The following SPATA21 variants were observed in gnomAD, a reference collection of about 807,000 sequenced individuals.
SPATA21 encodes the protein spermatogenesis associated 21, also known as spermatogenesis-associated protein 21.
In SPATA21, 47 loss-of-function variants were observed where a neutral mutation model predicts 54.8. That is an observed-to-expected ratio of 0.86 (90% confidence interval 0.68 to 1.09). The LOEUF (loss-of-function observed/expected upper bound fraction) is 1.09, where lower values mean the gene tolerates loss of function less well. Ranked by LOEUF, SPATA21 falls within the 50% of genes least tolerant of loss-of-function variation. The pLI, the probability that SPATA21 is intolerant of heterozygous loss-of-function variation, is 0.00. For missense variants in SPATA21, 599 were observed against 596.4 expected (o/e 1.00, Z -0.05); for synonymous variants, 245 against 235.3 (o/e 1.04, Z -0.38).
Position 16,398,670 on chromosome 1 carries a change from C to T in SPATA21, c.*95G>A. 7.1e-7 allele frequency: 1 copy of T among 1,405,004 alleles called. No individual in the cohort carries two copies. Among genetic ancestry groups the T allele is most frequent in the East Asian group, 2.3e-5 (1 of 42,808 alleles). 87.0% of individuals were successfully genotyped at this position (1,405,004 alleles called of 1,614,324 possible). A position where few individuals can be genotyped will look rare whatever the true frequency, so the allele number is the denominator to read the frequency against. ...AAGTTATTGGTGTTTATTAGCTCAC[C>T]AGGCCACAAAAGCAAATCCCAGCAG... is the stretch of plus-strand genomic sequence containing the variant. On this transcript the variant is annotated 3_prime_UTR_variant, in exon 13 of 13. Transcript: ENST00000335496.
At chr1:16,424,195 C>A in intron 3 of SPATA21, among the ~76,000 whole-genome samples, 1 of 139,844 alleles carries the variant, frequency 7.2e-6, no homozygotes, top group Non-Finnish European at 1.5e-5. Flanking sequence ...CACCTGTAAT[C>A]CCAGCACTTT....
At chr1:16,400,980 G>A in intron 10 of SPATA21, 88 bp from the exon 11 acceptor site, 1 of 1,475,760 alleles carries the variant, frequency 6.8e-7, no homozygotes, top group South Asian at 1.3e-5. Context: ...GCCAGCTCTG[G>A]AGCAGGAACA....
At chr1:16,401,697 C>G (rs1463726694) in intron 10 of SPATA21, among the ~76,000 whole-genome samples, 1 of 152,100 alleles carries the variant, frequency 6.6e-6, no homozygotes, top group African/African-American at 2.4e-5. Context: ...GTTAAGGACT[C>G]TGCTCCAGAA....
At chr1:16,417,492 G>A (rs1276449757) in intron 5 of SPATA21, among the ~76,000 whole-genome samples, 1 of 150,286 alleles carries the variant, frequency 6.7e-6, no homozygotes, top group Non-Finnish European at 1.5e-5. Flanking sequence ...AGGCTGGAGT[G>A]CGATGGCACG....
rs576871860 is a variant in SPATA21, at chr1:16,431,493, A to T, written c.-51-71T>A. On this transcript the variant is annotated intron_variant, in intron 2 of 12. Transcript: ENST00000335496. ...ACTGCTGCTTCAGGAGCCCACTTGG[A>T]GCCTATAATGTAGACAGCCTGGCTC... 9 of 1,453,222 alleles carry T rather than the reference A, an allele frequency of 6.2e-6. No homozygotes were observed. The Admixed American group carries it at 1.6e-4, about 27-fold the overall frequency. The allele number at this position is 1,453,222 out of a possible 1,614,324, so 90.0% of individuals were successfully genotyped here. A position where few individuals can be genotyped will look rare whatever the true frequency, so the allele number is the denominator to read the frequency against.
intron 5 of SPATA21, among the ~76,000 whole-genome samples, chr1:16,419,615 G>C (rs1043868849): frequency 1.3e-5 from 2 of 152,182 alleles, no homozygotes; most frequent in African/African-American, 4.8e-5. Flanking sequence ...AATTCAAGTA[G>C]GCCATTGGAT....
At chr1:16,422,082 T>C (rs1408616633) in intron 3 of SPATA21, 111 bp from the exon 4 acceptor site, 1 of 1,580,846 alleles carries the variant, frequency 6.3e-7, no homozygotes. Context: ...GACACCTGCC[T>C]CCTTGGGGTG....
At chr1:16,398,623 T>G, downstream of SPATA21, 1 of 912,632 alleles carries the variant, frequency 1.1e-6, no homozygotes, top group South Asian at 1.6e-5. Flanking sequence ...AGGGCCTTTC[T>G]TGGCAAGAGG....
Position 16,400,850 on chromosome 1 carries a change from C to G in SPATA21, c.1044G>C (p.Gln348His), listed in dbSNP as rs776955267. 1.2e-5 allele frequency: 19 copies of G among 1,613,930 alleles called. No individual in the cohort carries two copies. The highest frequency in any genetic ancestry group is 1.6e-5 in the Non-Finnish European group (19 of 1,179,972). ...GCCGGCCTACGGCCGCTTCCATCTC[C>G]TGGGCCTTGCAGGTGCCTTCCTTCA... Reference protein sequence around the residue: ...KKLKEGTCKAQEMEAAVGRLR... With the variant: ...KKLKEGTCKAHEMEAAVGRLR... The change falls in exon 11 of 13, where the codon CAG becomes CAC. Residue 348 changes from glutamine (Q) to histidine (H), a missense_variant. Gln to His is a conservative substitution (Grantham distance 24). Transcript: ENST00000335496.
intron 12 of SPATA21, 26 bp downstream of exon 12, chr1:16,399,318 C>G: frequency 1.3e-6 from 2 of 1,593,004 alleles, no homozygotes; most frequent in Non-Finnish European, 1.7e-6. Flanking sequence ...AGGGCCTGGG[C>G]TGGGACCCTT....
In SPATA21 at chr1:16,409,051, G is replaced by C; in HGVS notation, c.673+67C>G. On this transcript the variant is annotated intron_variant, in intron 7 of 12. Transcript: ENST00000335496. The surrounding 1 kb of genome is among the most constrained non-coding windows in gnomAD (Gnocchi z 4.1). ...TGGAAAGCACCCCAGTCCGCCCTGCGCCTATAAACCCCCAAGGACCAAGGG... is the reference window on the plus strand; with the variant it reads ...TGGAAAGCACCCCAGTCCGCCCTGCCCCTATAAACCCCCAAGGACCAAGGG... The C allele has an allele frequency of 6.5e-7, 1 of 1,548,562 alleles. No homozygotes were observed. Among genetic ancestry groups the C allele is most frequent in the Non-Finnish European group, 8.9e-7 (1 of 1,122,308 alleles).
chr1:16,408,946 C>G (rs34046898), intron 7 of SPATA21, among the ~76,000 whole-genome samples, 172 bp downstream of exon 7: 154 of 152,034 alleles, frequency 1.0e-3, no homozygotes, highest in Non-Finnish European at 1.7e-3. Flanking sequence ...TGGAGCCAAT[C>G]CCCTACCCTG....
intron 5 of SPATA21, among the ~76,000 whole-genome samples, chr1:16,420,910 AC>A: frequency 6.6e-6 from 1 of 152,166 alleles, no homozygotes; most frequent in East Asian, 1.9e-4. Flanking sequence ...TGAAAGTGAA[AC>A]CCATCAATAA....
At chr1:16,437,710 T>C (rs543690948), upstream of SPATA21, among the ~76,000 whole-genome samples, 13 of 152,288 alleles carry the variant, frequency 8.5e-5, no homozygotes, top group African/African-American at 1.7e-4. Flanking sequence ...GCACCTGGCA[T>C]AGGGTATGTG....
Position 16,409,328 on chromosome 1 carries a change from T to C in SPATA21, c.588-125A>G. The C allele has an allele frequency of 9.7e-7, 1 of 1,026,076 alleles. No homozygotes were observed. Among genetic ancestry groups the C allele is most frequent in the Non-Finnish European group, 1.4e-6 (1 of 694,924 alleles). 63.6% of individuals were successfully genotyped at this position (1,026,076 alleles called of 1,614,324 possible). ...GGAGGCTTTGGGGAGCCCGGAGAGA[T>C]CAAGAATGGCAGGAAAAAGGAGATC... is the stretch of plus-strand genomic sequence containing the variant. On this transcript the variant is annotated intron_variant, in intron 6 of 12. Coordinates refer to ENST00000335496, the MANE Select transcript of SPATA21 (RefSeq NM_198546.1). This position sits in a 1 kb window ranked among gnomAD's most constrained non-coding sequence, Gnocchi z 4.1.
intron 7 of SPATA21, among the ~76,000 whole-genome samples, chr1:16,408,246 G>C (rs537917313): frequency 1.3e-5 from 2 of 152,280 alleles, no homozygotes; most frequent in African/African-American, 4.8e-5. Flanking sequence ...CCAGGGTGAT[G>C]GGGGAGTGGG....
intron 1 of SPATA21, among the ~76,000 whole-genome samples, chr1:16,436,456 T>TA (rs967280701): frequency 8.6e-5 from 13 of 150,946 alleles, no homozygotes; most frequent in African/African-American, 3.2e-4. Context: ...ACCAAAATCT[T>TA]ACAAATCACC....
intron 5 of SPATA21, among the ~76,000 whole-genome samples, chr1:16,420,573 T>C (rs1202408830): frequency 1.3e-5 from 2 of 151,988 alleles, no homozygotes; most frequent in East Asian, 3.9e-4. Flanking sequence ...GAGCCATGTT[T>C]GTATGCTGAT....
intron 10 of SPATA21, among the ~76,000 whole-genome samples, chr1:16,401,390 G>C (rs1355804588): frequency 2.6e-5 from 4 of 152,100 alleles, no homozygotes; most frequent in African/African-American, 9.7e-5. Flanking sequence ...TAAACTCCTG[G>C]GCTCAACTGA....
Sources: allele counts gnomAD v4.1 joint callset (sites outside exome capture counted in the v4.1 genomes callset), GRCh38; gene constraint gnomAD v4.1.1; non-coding constraint Gnocchi (gnomAD v3.1); transcripts MANE v1.5; gene names NCBI Gene and HGNC (gene_info 2026-07-23, HGNC 2026-07-21).